The following GPR158 variants were observed in gnomAD, a reference collection of about 807,000 sequenced individuals.
GPR158 encodes the protein G protein-coupled receptor 158.
GPR158 carries 30 observed loss-of-function variants against 78.2 expected under a neutral mutation model. The observed-to-expected ratio is 0.38, with a 90% CI of 0.29 to 0.52. The LOEUF (loss-of-function observed/expected upper bound fraction) is 0.52. Ranked by LOEUF, GPR158 falls within the 20% of genes least tolerant of loss-of-function variation. The probability of loss-of-function intolerance (pLI) is 0.83; values close to 1 mark genes in which losing one functional copy is unlikely to be tolerated. For synonymous variants in GPR158, 581 were observed against 591.1 expected (o/e 0.98, Z 0.25); for missense variants, 1,463 against 1,523.5 (o/e 0.96, Z 0.66).
chr10:25,447,936 C>T (rs34776560), intron 4 of GPR158, among the ~76,000 whole-genome samples: 8,825 of 152,100 alleles, frequency 0.058, 525 homozygotes, highest in African/African-American at 0.15. Flanking sequence ...TCCTATATGC[C>T]CCTTGGCAGT....
intron 3 of GPR158, among the ~76,000 whole-genome samples, chr10:25,399,067 G>A (rs1345514281): frequency 1.8e-4 from 27 of 152,192 alleles, no homozygotes; most frequent in Non-Finnish European, 4.4e-5. Flanking sequence ...TTGACTCACA[G>A]TTTCACATGG....
At chr10:25,226,553 C>G (rs1194204729) in intron 2 of GPR158, among the ~76,000 whole-genome samples, 1 of 152,158 alleles carries the variant, frequency 6.6e-6, no homozygotes, top group Non-Finnish European at 1.5e-5. Context: ...GCCATTATTT[C>G]ACACTGGAAA....
At chr10:25,330,506 C>G (rs1855103153) in intron 2 of GPR158, among the ~76,000 whole-genome samples, 1 of 152,152 alleles carries the variant, frequency 6.6e-6, no homozygotes, top group South Asian at 2.1e-4. Context: ...AGGCTACCCT[C>G]AGGATACTAT....
chr10:25,521,333 C>G (rs1197251128), intron 5 of GPR158, among the ~76,000 whole-genome samples: 7 of 152,216 alleles, frequency 4.6e-5, no homozygotes. Context: ...TTCTGCGTCG[C>G]TCACGCTGGG....
intron 3 of GPR158, among the ~76,000 whole-genome samples, chr10:25,402,402 T>G (rs1016472055): frequency 1.3e-5 from 2 of 152,116 alleles, no homozygotes; most frequent in African/African-American, 4.8e-5. Context: ...GACATTATTC[T>G]GGCAATTGAT....
chr10:25,338,456 TA>T (rs1855246993), intron 2 of GPR158, among the ~76,000 whole-genome samples: 1 of 136,454 alleles, frequency 7.3e-6, no homozygotes, highest in Admixed American at 7.2e-5. Context: ...ACGTAATATA[TA>T]TATTACGTAT....
At chr10:25,355,074 C>T (rs1855530016) in intron 2 of GPR158, among the ~76,000 whole-genome samples, 1 of 152,038 alleles carries the variant, frequency 6.6e-6, no homozygotes, top group Non-Finnish European at 1.5e-5. Flanking sequence ...TCTTACTGTC[C>T]TGTACCTGGA....
intron 3 of GPR158, among the ~76,000 whole-genome samples, chr10:25,402,729 A>G (rs1040345181): frequency 6.6e-6 from 1 of 152,024 alleles, no homozygotes; most frequent in Non-Finnish European, 1.5e-5. Flanking sequence ...GATTTTCTGT[A>G]AAATTTAAAT....
rs1564399580 is a variant in GPR158, at chr10:25,241,285, T to TTTCTTTCTTTCC, written c.1008+20130_1008+20131insCTTTCTTTCCTT. ...TTTCTTTCTTTCCTTTCTTTCTTTC[T>TTTCTTTCTTTCC]TTTCTTTTCTTTTCTTTTCTTTTCT... On this transcript the variant is annotated intron_variant, in intron 2 of 10. Transcript: ENST00000376351. 5.1e-4 allele frequency among the ~76,000 whole-genome samples: 35 copies of TTTCTTTCTTTCC among 69,072 alleles called. 1 individual carries two copies. The highest frequency in any genetic ancestry group is 8.1e-4 in the Non-Finnish European group (28 of 34,728). The allele number at this position is 69,072 out of a possible 152,430, so 45.3% of individuals were successfully genotyped here. A position where few individuals can be genotyped will look rare whatever the true frequency, so the allele number is the denominator to read the frequency against.
chr10:25,338,497 GTA>G (rs1000310840), intron 2 of GPR158, among the ~76,000 whole-genome samples: 8 of 121,562 alleles, frequency 6.6e-5, no homozygotes, highest in Admixed American at 1.6e-4. Context: ...TATAATATAC[GTA>G]TATATATTAC....
chr10:25,255,471 A>T (rs1261784570), intron 2 of GPR158, among the ~76,000 whole-genome samples: 5 of 152,216 alleles, frequency 3.3e-5, no homozygotes, highest in Non-Finnish European at 7.3e-5. Flanking sequence ...GGGTCTCTCT[A>T]GGTCTCTAGG....
intron 5 of GPR158, among the ~76,000 whole-genome samples, chr10:25,540,131 A>C (rs918418540): frequency 6.6e-6 from 1 of 152,210 alleles, no homozygotes; most frequent in African/African-American, 2.4e-5. Context: ...AAGTGGGCGA[A>C]GGATATGAAC....
intron 8 of GPR158, among the ~76,000 whole-genome samples, chr10:25,590,092 C>T (rs1043066074): frequency 6.6e-6 from 1 of 151,936 alleles, no homozygotes; most frequent in African/African-American, 2.4e-5. Context: ...TGGGAGAAGG[C>T]AGTTGTGGGT....
chr10:25,211,284 A>G (rs944918744), intron 1 of GPR158, among the ~76,000 whole-genome samples: 2 of 152,128 alleles, frequency 1.3e-5, no homozygotes, highest in African/African-American at 4.8e-5. Flanking sequence ...TAGGTAATTT[A>G]TAGAGATTAA....
At chr10:25,274,827 A>G (rs1854162647) in intron 2 of GPR158, among the ~76,000 whole-genome samples, 1 of 152,210 alleles carries the variant, frequency 6.6e-6, no homozygotes, top group Non-Finnish European at 1.5e-5. Context: ...ATTAAGTCCC[A>G]GTTGTAAATA....
At chr10:25,478,822 T>G (rs1835625028) in intron 5 of GPR158, among the ~76,000 whole-genome samples, 1 of 113,118 alleles carries the variant, frequency 8.8e-6, no homozygotes, top group South Asian at 3.3e-4. Flanking sequence ...AGGCCCCCGG[T>G]GTGTGATGTT....
At chr10:25,305,700 G>A (rs79175629) in intron 2 of GPR158, among the ~76,000 whole-genome samples, 3,973 of 152,186 alleles carry the variant, frequency 0.026, 175 homozygotes, top group African/African-American at 0.091. Flanking sequence ...TCCCTTGGCT[G>A]AGTGTTTTTC....
intron 5 of GPR158, among the ~76,000 whole-genome samples, chr10:25,498,516 G>T (rs1033803043): frequency 6.6e-6 from 1 of 152,122 alleles, no homozygotes; most frequent in African/African-American, 2.4e-5. Context: ...CATTCTCAAG[G>T]CTCTCCAGAT....
At position 25,247,303 on chromosome 10, in the gene GPR158, TTC is replaced by T. The variant is rs200760205; in HGVS notation, c.1008+26148_1008+26149del. 5.2e-3 allele frequency among the ~76,000 whole-genome samples: 770 copies of T among 147,256 alleles called. 8 individuals are homozygous for T. The highest frequency in any genetic ancestry group is 0.017 in the African/African-American group (682 of 40,228). On this transcript the variant is annotated intron_variant, in intron 2 of 10. Transcript: ENST00000376351. ...TATCATGGTTTTAAAATTCAATTTATTCTTTTTTTTTTTCTTTTTTTTTTATT... is the reference window on the plus strand; with the variant it reads ...TATCATGGTTTTAAAATTCAATTTATTTTTTTTTTTTCTTTTTTTTTTATT...
Sources: gnomAD v4.1 joint callset for allele counts (sites outside exome capture counted in the v4.1 genomes callset) on GRCh38, gnomAD v4.1.1 for gene constraint, MANE v1.5 for transcripts, NCBI Gene and HGNC (gene_info 2026-07-23, HGNC 2026-07-21) for gene names.